Variants in NKAIN2 observed in about 807,000 individuals in gnomAD.
NKAIN2 encodes the protein sodium/potassium transporting ATPase interacting 2, also known as sodium/potassium-transporting ATPase subunit beta-1-interacting protein 2.
Under a neutral mutation model 32.6 loss-of-function variants are expected in NKAIN2, and 14 were observed. The observed-to-expected ratio is 0.43, with a 90% confidence interval of 0.28 to 0.67. The LOEUF (loss-of-function observed/expected upper bound fraction) is 0.67. Ranked by LOEUF, NKAIN2 falls within the 30% of genes least tolerant of loss-of-function variation. The pLI is 0.17. For synonymous variants in NKAIN2, 80 were observed against 87.2 expected (o/e 0.92, Z 0.46); for missense variants, 198 against 258.3 (o/e 0.77, Z 1.60).
At chr6:123,845,767 A>G (rs1339395911) in intron 1 of NKAIN2, among the ~76,000 whole-genome samples, 4 of 152,212 alleles carry the variant, frequency 2.6e-5, no homozygotes, top group Admixed American at 6.5e-5. Flanking sequence ...ATACTGAGTA[A>G]TGACTGTATA....
chr6:124,197,508 T>C (rs1790372248), intron 1 of NKAIN2, among the ~76,000 whole-genome samples: 1 of 152,188 alleles, frequency 6.6e-6, no homozygotes, highest in South Asian at 2.1e-4. Context: ...CATTGTTTAG[T>C]TGGCTGGGAC....
intron 4 of NKAIN2, among the ~76,000 whole-genome samples, chr6:124,787,498 AGAG>A (rs1413142908): frequency 4.6e-5 from 7 of 152,078 alleles, no homozygotes; most frequent in African/African-American, 1.7e-4. Context: ...AGGGGAAGGA[AGAG>A]GTACAGGGCA....
intron 2 of NKAIN2, among the ~76,000 whole-genome samples, chr6:124,299,042 A>C (rs201049303): frequency 6.6e-6 from 1 of 152,210 alleles, no homozygotes; most frequent in Non-Finnish European, 1.5e-5. Flanking sequence ...TTCTTGAGGC[A>C]TGGGAATTCA....
intron 1 of NKAIN2, among the ~76,000 whole-genome samples, chr6:124,278,595 T>C (rs1795142208): frequency 1.4e-5 from 2 of 145,410 alleles, no homozygotes; most frequent in Admixed American, 1.4e-4. Flanking sequence ...CTTATATACA[T>C]ATATATATAC....
chr6:124,550,632 A>G (rs998464788), intron 3 of NKAIN2, among the ~76,000 whole-genome samples: 5 of 152,148 alleles, frequency 3.3e-5, no homozygotes, highest in Admixed American at 2.6e-4. Flanking sequence ...TTTGTATGAT[A>G]GTGATGAGGA....
intron 2 of NKAIN2, among the ~76,000 whole-genome samples, chr6:124,293,357 A>G (rs903038279): frequency 1.3e-5 from 2 of 151,744 alleles, no homozygotes; most frequent in Non-Finnish European, 2.9e-5. Context: ...ACTATTTTTA[A>G]TTACTTTTTT....
intron 1 of NKAIN2, among the ~76,000 whole-genome samples, chr6:124,140,437 A>G (rs981641055): frequency 1.3e-5 from 2 of 152,178 alleles, no homozygotes; most frequent in Non-Finnish European, 2.9e-5. Context: ...GAAAGACATG[A>G]TCTATGCAGT....
intron 1 of NKAIN2, among the ~76,000 whole-genome samples, chr6:124,174,374 G>T (rs867194851): frequency 5.9e-4 from 90 of 152,176 alleles, no homozygotes; most frequent in East Asian, 4.4e-3. Context: ...TAAATAAAAG[G>T]CACACTTCTG....
chr6:124,174,174 A>G (rs1399072533), intron 1 of NKAIN2, among the ~76,000 whole-genome samples: 1 of 152,174 alleles, frequency 6.6e-6, no homozygotes, highest in Non-Finnish European at 1.5e-5. Context: ...CATACACTCC[A>G]TAATAAAATG....
chr6:124,111,288 T>C (rs1259598611), intron 1 of NKAIN2, among the ~76,000 whole-genome samples: 1 of 152,044 alleles, frequency 6.6e-6, no homozygotes, highest in Non-Finnish European at 1.5e-5. Flanking sequence ...GTGTCCATTA[T>C]TGAAAATGAG....
intron 4 of NKAIN2, among the ~76,000 whole-genome samples, chr6:124,709,704 AT>A (rs1775328457): frequency 6.6e-6 from 1 of 151,166 alleles, no homozygotes; most frequent in African/African-American, 2.4e-5. Context: ...ATCATTTTTT[AT>A]TGCGTCTATT....
chr6:124,731,364 G>A (rs1406333496), intron 4 of NKAIN2, among the ~76,000 whole-genome samples: 1 of 151,844 alleles, frequency 6.6e-6, no homozygotes, highest in Non-Finnish European at 1.5e-5. Context: ...ATACACCATG[G>A]AATACTATGC....
intron 4 of NKAIN2, among the ~76,000 whole-genome samples, chr6:124,697,424 G>A (rs2114557028): frequency 1.3e-5 from 2 of 152,144 alleles, no homozygotes; most frequent in Non-Finnish European, 2.9e-5. Context: ...TATATTCTAA[G>A]ATTTTCATCA....
At chr6:124,779,872 G>A (rs1779181293) in intron 4 of NKAIN2, among the ~76,000 whole-genome samples, 1 of 152,138 alleles carries the variant, frequency 6.6e-6, no homozygotes, top group Non-Finnish European at 1.5e-5. Context: ...AATTCAAAAT[G>A]TTGACCTAAA....
intron 3 of NKAIN2, among the ~76,000 whole-genome samples, chr6:124,479,306 A>T (rs1327155262): frequency 1.3e-5 from 2 of 152,210 alleles, no homozygotes; most frequent in Non-Finnish European, 2.9e-5. Context: ...TATGGGAAAC[A>T]TACCATACCA....
At chr6:124,294,680 A>G (rs2626116) in intron 2 of NKAIN2, among the ~76,000 whole-genome samples, 45,094 of 151,992 alleles carry the variant, frequency 0.3, 9,213 homozygotes, top group African/African-American at 0.58. Flanking sequence ...TTTATTTGCC[A>G]GATGCTTTGT....
chr6:124,698,504 G>A (rs974585486), intron 4 of NKAIN2, among the ~76,000 whole-genome samples: 1 of 152,040 alleles, frequency 6.6e-6, no homozygotes, highest in Non-Finnish European at 1.5e-5. Flanking sequence ...TAAATAATTG[G>A]TATCATTAAG....
At chr6:123,954,444 C>G (rs903342278) in intron 1 of NKAIN2, among the ~76,000 whole-genome samples, 1 of 152,172 alleles carries the variant, frequency 6.6e-6, no homozygotes, top group Non-Finnish European at 1.5e-5. Flanking sequence ...GAGCTCCCCC[C>G]AAATCCCAGA....
intron 3 of NKAIN2, among the ~76,000 whole-genome samples, chr6:124,363,572 G>T (rs1053616504): frequency 6.6e-6 from 1 of 152,114 alleles, no homozygotes; most frequent in African/African-American, 2.4e-5. Context: ...AAAATTTTTC[G>T]GCAGTCATGC....
Sources: gnomAD v4.1 joint callset for allele counts (sites outside exome capture counted in the v4.1 genomes callset) on GRCh38, gnomAD v4.1.1 for gene constraint, MANE v1.5 for transcripts, NCBI Gene and HGNC (gene_info 2026-07-23, HGNC 2026-07-21) for gene names.